Variants in LIMCH1 observed in about 807,000 individuals in gnomAD.
LIMCH1 encodes the protein LIM and calponin homology domains 1.
A neutral mutation model predicts 176.5 loss-of-function variants in LIMCH1; 113 were observed. That is an observed-to-expected ratio of 0.64 (90% CI 0.55 to 0.75). LIMCH1 has a LOEUF of 0.75. Ranked by LOEUF, LIMCH1 falls within the 30% of genes least tolerant of loss-of-function variation. The pLI is 0.00. For synonymous variants in LIMCH1, 619 were observed against 645.9 expected (o/e 0.96, Z 0.63); for missense variants, 1,674 against 1,814.9 (o/e 0.92, Z 1.41).
intron 1 of LIMCH1, among the ~76,000 whole-genome samples, chr4:41,400,477 T>C (rs1329287555): frequency 6.6e-6 from 1 of 152,212 alleles, no homozygotes; most frequent in Non-Finnish European, 1.5e-5. Context: ...ATGTTGTGCT[T>C]GGCAATTTGC....
chr4:41,378,332 C>T (rs1316379036), intron 1 of LIMCH1, among the ~76,000 whole-genome samples: 2 of 152,196 alleles, frequency 1.3e-5, no homozygotes, highest in African/African-American at 2.4e-5. Flanking sequence ...AATGCTATGA[C>T]TGTGGGGGAA....
intron 1 of LIMCH1, among the ~76,000 whole-genome samples, chr4:41,368,967 C>T (rs529469011): frequency 6.6e-6 from 1 of 152,286 alleles, no homozygotes; most frequent in East Asian, 1.9e-4. Context: ...GGGAAACCTG[C>T]TTGCTTTTCA....
At chr4:41,375,021 A>G (rs1233902549) in intron 1 of LIMCH1, among the ~76,000 whole-genome samples, 3 of 152,236 alleles carry the variant, frequency 2.0e-5, no homozygotes, top group Non-Finnish European at 2.9e-5. Flanking sequence ...GCTACCCAAC[A>G]GAGAAGCAGT....
Position 41,689,613 on chromosome 4 carries a change from A to G in LIMCH1, c.4253A>G (p.Tyr1418Cys), listed in dbSNP as rs137939446. 4 of 1,608,300 alleles carry G rather than the reference A, an allele frequency of 2.5e-6. No homozygotes were observed. The highest frequency in any genetic ancestry group is 3.4e-6 in the Non-Finnish European group (4 of 1,175,090). The change falls in exon 30 of 32, where the codon TAT becomes TGT. Residue 1418 changes from tyrosine to cysteine, a missense_variant. Around this residue, in one of 3 missense-constraint regions of LIMCH1, gnomAD observed 1,015 missense variants for 1,102.5 expected, o/e 0.92. Transcript: ENST00000503057. Reference protein sequence around the residue: ...AAMIIETLNLYFHIQCFRCGI... With the variant: ...AAMIIETLNLCFHIQCFRCGI... Reference sequence around the variant, plus strand: ...ATGATCATCGAGACCCTCAATCTCTATTTTCACATCCAGTGTTTCAGGGTA... The same window carrying G: ...ATGATCATCGAGACCCTCAATCTCTGTTTTCACATCCAGTGTTTCAGGGTA...
At chr4:41,589,199 A>T (rs1312410546) in intron 1 of LIMCH1, among the ~76,000 whole-genome samples, 1 of 152,194 alleles carries the variant, frequency 6.6e-6, no homozygotes, top group Non-Finnish European at 1.5e-5. Context: ...AGAATCCTGG[A>T]AGAAGAGGGA....
intron 1 of LIMCH1, among the ~76,000 whole-genome samples, chr4:41,377,304 G>A (rs1315978124): frequency 6.6e-6 from 1 of 152,084 alleles, no homozygotes; most frequent in African/African-American, 2.4e-5. Context: ...TGAATGACAG[G>A]TGCACCAGAA....
Position 41,605,961 on chromosome 4 carries a change from TA to T in LIMCH1, c.-32del. ...TGCACATCCTACAGCGGAACGACAC[TA>T]AACCTGAAGGAGTTTGAAGGATTGT... On this transcript the variant is annotated 5_prime_UTR_variant, in exon 4 of 32. Transcript: ENST00000503057. The T allele has an allele frequency of 6.2e-7, 1 of 1,613,838 alleles. No homozygotes were observed. Among genetic ancestry groups the T allele is most frequent in the Non-Finnish European group, 8.5e-7 (1 of 1,179,788 alleles).
intron 1 of LIMCH1, among the ~76,000 whole-genome samples, chr4:41,387,173 A>G (rs994029306): frequency 6.6e-6 from 1 of 152,228 alleles, no homozygotes; most frequent in Non-Finnish European, 1.5e-5. Context: ...GTCTTATTAG[A>G]AATGATGAAA....
chr4:41,496,572 T>A (rs528974894), intron 2 of LIMCH1, among the ~76,000 whole-genome samples: 10 of 152,224 alleles, frequency 6.6e-5, no homozygotes, highest in African/African-American at 2.4e-4. Flanking sequence ...ACCAAAACCA[T>A]GACCCAGGAG....
At chr4:41,646,986 AC>A in intron 17 of LIMCH1, 93 bp downstream of exon 17, 1 of 1,224,766 alleles carries the variant, frequency 8.2e-7, no homozygotes, top group Non-Finnish European at 1.1e-6. Flanking sequence ...CATTCTTTTT[AC>A]CATACAAAAG....
At chr4:41,560,507 T>C (rs931087508) in intron 1 of LIMCH1, among the ~76,000 whole-genome samples, 1 of 152,164 alleles carries the variant, frequency 6.6e-6, no homozygotes, top group Non-Finnish European at 1.5e-5. Context: ...ACCTCAGTCT[T>C]CCCCTCCCTC....
chr4:41,536,096 G>A (rs763352148), upstream of LIMCH1, among the ~76,000 whole-genome samples: 4 of 152,098 alleles, frequency 2.6e-5, no homozygotes, highest in Non-Finnish European at 4.4e-5. Context: ...TTCAGCTGAC[G>A]TCTGACTCCT....
intron 1 of LIMCH1, among the ~76,000 whole-genome samples, chr4:41,545,692 A>C: frequency 6.6e-6 from 1 of 152,224 alleles, no homozygotes; most frequent in East Asian, 1.9e-4. Flanking sequence ...TTAATCAATA[A>C]ATGAGTGAGT....
chr4:41,503,830 C>T (rs899399368), intron 2 of LIMCH1, among the ~76,000 whole-genome samples: 1 of 152,146 alleles, frequency 6.6e-6, no homozygotes, highest in African/African-American at 2.4e-5. Flanking sequence ...TGATAACTGC[C>T]CTTGCTCTGA....
At chr4:41,422,488 AG>A (rs1237281739) in intron 1 of LIMCH1, among the ~76,000 whole-genome samples, 2 of 151,790 alleles carry the variant, frequency 1.3e-5, no homozygotes, top group Admixed American at 1.3e-4. Context: ...GTGCCAGGCC[AG>A]GTATGGTATC....
intron 2 of LIMCH1, among the ~76,000 whole-genome samples, chr4:41,521,686 G>GA (rs2076135747): frequency 1.3e-5 from 2 of 151,712 alleles, no homozygotes; most frequent in South Asian, 2.1e-4. Context: ...GTGTTTACCT[G>GA]AAAAAAAATA....
chr4:41,459,831 A>T (rs1371763325), intron 1 of LIMCH1, among the ~76,000 whole-genome samples: 1 of 152,196 alleles, frequency 6.6e-6, no homozygotes, highest in Non-Finnish European at 1.5e-5. Flanking sequence ...GCTTGCAGTA[A>T]GAGCTGCAAT....
intron 15 of LIMCH1, among the ~76,000 whole-genome samples, chr4:41,645,607 A>G (rs1436144634): frequency 6.6e-6 from 1 of 152,182 alleles, no homozygotes; most frequent in Non-Finnish European, 1.5e-5. Flanking sequence ...TGCTATAACT[A>G]CCTGTAGGAT....
intron 1 of LIMCH1, among the ~76,000 whole-genome samples, chr4:41,378,729 A>G (rs973808897): frequency 4.6e-5 from 7 of 152,190 alleles, no homozygotes; most frequent in Non-Finnish European, 5.9e-5. Context: ...TGTAAAAATG[A>G]TGAGACTTAG....
Sources: allele counts gnomAD v4.1 joint callset (sites outside exome capture counted in the v4.1 genomes callset), GRCh38; gene constraint gnomAD v4.1.1; regional missense constraint gnomAD v4.1.1; transcripts MANE v1.5; gene names NCBI Gene and HGNC (gene_info 2026-07-23, HGNC 2026-07-21).